Variants in KCNN2 observed in about 807,000 individuals in gnomAD.
KCNN2 encodes small conductance calcium-activated potassium channel protein 2.
KCNN2 carries 24 observed loss-of-function variants against 55.5 expected under a neutral mutation model. That is an observed-to-expected ratio of 0.43 (90% CI 0.31 to 0.61). KCNN2 has a LOEUF of 0.61. Ranked by LOEUF, KCNN2 falls within the 20% of genes least tolerant of loss-of-function variation. The probability of loss-of-function intolerance (pLI) is 0.08; values close to 1 mark genes in which losing one functional copy is unlikely to be tolerated. For synonymous variants in KCNN2, 431 were observed against 336.1 expected (o/e 1.28, Z -3.09); for missense variants, 754 against 853.6 (o/e 0.88, Z 1.45).
chr5:114,369,309 T>C (rs1007633818), intron 2 of KCNN2, among the ~76,000 whole-genome samples: 1 of 152,226 alleles, frequency 6.6e-6, no homozygotes, highest in African/African-American at 2.4e-5. Flanking sequence ...CTTCTTTGCA[T>C]CTATTTTGTA....
chr5:114,260,416 AC>A (rs1412021025), intron 2 of KCNN2, among the ~76,000 whole-genome samples: 3 of 151,998 alleles, frequency 2.0e-5, no homozygotes, highest in Non-Finnish European at 4.4e-5. Flanking sequence ...TTTCCTCTAG[AC>A]TTTTTCATAT....
Position 114,362,819 on chromosome 5 carries a change from G to C in KCNN2, c.680G>C (p.Ser227Thr). The C allele has an allele frequency of 6.3e-7, 1 of 1,599,004 alleles. No homozygotes were observed. Among genetic ancestry groups the C allele is most frequent in the Non-Finnish European group, 8.5e-7 (1 of 1,178,008 alleles). ...AACGGGGGCGTCATGCGGCCGCTCAGCAACTTGAGCGCGTCCCGCCGGAAC... is the reference window on the plus strand; with the variant it reads ...AACGGGGGCGTCATGCGGCCGCTCACCAACTTGAGCGCGTCCCGCCGGAAC... ...RYNGGVMRPLSNLSASRRNLH... is the reference protein window; with the variant it reads ...RYNGGVMRPLTNLSASRRNLH... Residue 227 changes from serine to threonine, a missense_variant, in exon 1 of 8, where the codon AGC (serine) becomes ACC (threonine). Ser to Thr is a moderately conservative substitution (Grantham distance 58, BLOSUM62 1). Transcript: ENST00000673685.
At chr5:114,258,938 C>A (rs987475255) in intron 2 of KCNN2, among the ~76,000 whole-genome samples, 5 of 152,336 alleles carry the variant, frequency 3.3e-5, no homozygotes, top group African/African-American at 9.6e-5. Flanking sequence ...GGTGGGCACA[C>A]CACCAGTGGG....
intron 2 of KCNN2, among the ~76,000 whole-genome samples, chr5:114,268,803 T>C (rs543689929): frequency 6.6e-6 from 1 of 152,276 alleles, no homozygotes; most frequent in African/African-American, 2.4e-5. Flanking sequence ...TTCACTATCT[T>C]AGAGCTCAAG....
rs1006122701 is a variant in KCNN2 at position 114,303,054 on chromosome 5, C to A, written c.-184-57891C>A. Among the ~76,000 whole-genome samples the A allele has an allele frequency of 6.6e-5, 10 of 152,282 alleles. No individual in the cohort carries two copies. The East Asian group carries it at 1.7e-3, about 27-fold the overall frequency. ...ACGTCGATGTACTGAAAACATTTTG[C>A]CAGGAAGACAATTCAATTTGGCATT... On this transcript the variant is annotated intron_variant, in intron 2 of 10. Coordinates refer to the KCNN2 transcript ENST00000512097.
chr5:114,409,009 C>T (rs13155731), intron 3 of KCNN2, among the ~76,000 whole-genome samples: 21,849 of 152,122 alleles, frequency 0.14, 1,937 homozygotes, highest in Middle Eastern at 0.22. Flanking sequence ...GGAAACAAAT[C>T]TGTGACAGTG....
At chr5:114,488,759 C>A (rs1245166424) in intron 6 of KCNN2, among the ~76,000 whole-genome samples, 5 of 152,198 alleles carry the variant, frequency 3.3e-5, no homozygotes, top group Non-Finnish European at 5.9e-5. Context: ...TAAAACCATA[C>A]TACACAGTAA....
At chr5:114,177,883 A>C (rs1753167568) in intron 1 of KCNN2, among the ~76,000 whole-genome samples, 1 of 152,200 alleles carries the variant, frequency 6.6e-6, no homozygotes, top group Non-Finnish European at 1.5e-5. Context: ...CATCGGATTA[A>C]ATCAAATAAA....
intron 2 of KCNN2, among the ~76,000 whole-genome samples, chr5:114,229,309 C>CT (rs1754307939): frequency 1.3e-5 from 2 of 150,338 alleles, no homozygotes; most frequent in Non-Finnish European, 1.5e-5. Context: ...TTAACATTTT[C>CT]TTTTTTGCTT....
chr5:114,393,718 C>G (rs1025626151), intron 2 of KCNN2, among the ~76,000 whole-genome samples: 1 of 151,792 alleles, frequency 6.6e-6, no homozygotes, highest in Non-Finnish European at 1.5e-5. Context: ...TATGCACATA[C>G]AAATACAAAT....
Position 114,415,162 on chromosome 5 carries a change from A to G in KCNN2, c.1637+10306A>G, listed in dbSNP as rs142555472. Among the ~76,000 whole-genome samples, 342 of 152,298 alleles carry G rather than the reference A, an allele frequency of 2.2e-3. 1 individual carries two copies. The highest frequency in any genetic ancestry group is 8.1e-3 in the African/African-American group (337 of 41,570). ...TATGTATTGAAGTTTGTTCCTTTTT[A>G]TTGATGAATACTATTCTGTTGTAAG... On this transcript the variant is annotated intron_variant, in intron 3 of 7. Coordinates refer to ENST00000673685, the MANE Select transcript of KCNN2 (RefSeq NM_021614.4).
intron 5 of KCNN2, among the ~76,000 whole-genome samples, chr5:114,485,714 T>C (rs1762410251): frequency 6.6e-6 from 1 of 152,172 alleles, no homozygotes; most frequent in South Asian, 2.1e-4. Context: ...CCAAAGGCAG[T>C]GCATTACAAA....
chr5:114,165,921 A>G (rs903715322), intron 1 of KCNN2, among the ~76,000 whole-genome samples: 4 of 152,098 alleles, frequency 2.6e-5, no homozygotes, highest in African/African-American at 4.8e-5. Flanking sequence ...TCAAGGGTCA[A>G]CTGTACTCAT....
chr5:114,161,156 C>A (rs539117718), intron 1 of KCNN2, among the ~76,000 whole-genome samples: 1 of 152,262 alleles, frequency 6.6e-6, no homozygotes, highest in South Asian at 2.1e-4. Context: ...TTTTTCCTTT[C>A]CATGTTTAGC....
intron 1 of KCNN2, among the ~76,000 whole-genome samples, chr5:114,058,184 A>T (rs1397604883): frequency 6.6e-6 from 1 of 152,202 alleles, no homozygotes; most frequent in Non-Finnish European, 1.5e-5. Flanking sequence ...TGATGAATAC[A>T]AGCTCAATAA....
At chr5:114,098,805 A>G (rs1751315683) in intron 1 of KCNN2, among the ~76,000 whole-genome samples, 1 of 151,986 alleles carries the variant, frequency 6.6e-6, no homozygotes, top group South Asian at 2.1e-4. Flanking sequence ...TCCCTCTTTT[A>G]TTTGTATAAA....
At chr5:114,197,229 G>A (rs550856971) in intron 1 of KCNN2, among the ~76,000 whole-genome samples, 2 of 152,060 alleles carry the variant, frequency 1.3e-5, no homozygotes, top group African/African-American at 4.8e-5. Flanking sequence ...AATTATTGAG[G>A]CTTGTTTTAT....
At chr5:114,404,152 A>G (rs1383060634) in intron 2 of KCNN2, among the ~76,000 whole-genome samples, 3 of 152,212 alleles carry the variant, frequency 2.0e-5, no homozygotes, top group African/African-American at 7.2e-5. Context: ...CATGACTGAT[A>G]GGCTCAAGCC....
At chr5:114,484,320 C>T (rs1024532627) in intron 5 of KCNN2, among the ~76,000 whole-genome samples, 9 of 151,924 alleles carry the variant, frequency 5.9e-5, no homozygotes, top group African/African-American at 1.9e-4. Context: ...ACTTTCCCTC[C>T]AAAGATGGGA....
Sources: allele counts gnomAD v4.1 joint callset (sites outside exome capture counted in the v4.1 genomes callset), GRCh38; gene constraint gnomAD v4.1.1; transcripts MANE v1.5; gene names NCBI Gene and HGNC (gene_info 2026-07-23, HGNC 2026-07-21).